The following CAMKMT variants were observed in gnomAD, a reference collection of about 807,000 sequenced individuals.
CAMKMT encodes CaM KMT.
In CAMKMT, 53 loss-of-function variants were observed where a neutral mutation model predicts 48.0. That is an observed-to-expected ratio of 1.10 (90% confidence interval 0.89 to 1.39). The LOEUF (loss-of-function observed/expected upper bound fraction) is 1.39. Ranked by LOEUF, CAMKMT falls within the 40% of genes most tolerant of loss-of-function variation. The pLI, the probability that CAMKMT is intolerant of heterozygous loss-of-function variation, is 0.00. For missense variants in CAMKMT, 428 were observed against 402.7 expected, an observed-to-expected ratio of 1.06 and a Z score of -0.54; for synonymous variants, 165 against 152.3, an observed-to-expected ratio of 1.08 and a Z score of -0.61.
intron 3 of CAMKMT, among the ~76,000 whole-genome samples, chr2:44,601,115 C>T (rs1336312189): frequency 6.6e-6 from 1 of 151,898 alleles, no homozygotes; most frequent in Non-Finnish European, 1.5e-5. Flanking sequence ...TAAAAAGTAC[C>T]AAAATATAGC....
intron 3 of CAMKMT, among the ~76,000 whole-genome samples, chr2:44,437,885 A>G (rs984713045): frequency 1.3e-5 from 2 of 151,608 alleles, no homozygotes; most frequent in Non-Finnish European, 2.9e-5. Context: ...GATTCAGAGA[A>G]CTACTACCTT....
At chr2:44,393,528 G>C (rs546286929) in intron 3 of CAMKMT, 1 of 152,256 alleles carries the variant, frequency 6.6e-6, no homozygotes, top group South Asian at 2.1e-4. Flanking sequence ...ACTAGGAATA[G>C]GTATGTATAT....
chr2:44,586,477 A>G (rs1322115918), intron 3 of CAMKMT, among the ~76,000 whole-genome samples: 1 of 152,124 alleles, frequency 6.6e-6, no homozygotes, highest in Non-Finnish European at 1.5e-5. Flanking sequence ...TTCTCTCACT[A>G]TAGATTCATT....
At chr2:44,702,339 A>T (rs994375120) in intron 3 of CAMKMT, among the ~76,000 whole-genome samples, 1 of 152,172 alleles carries the variant, frequency 6.6e-6, no homozygotes, top group Non-Finnish European at 1.5e-5. Context: ...GGTTATTGGG[A>T]TACGAATTTT....
Position 44,578,568 on chromosome 2 carries a change from A to C in CAMKMT, c.377-125715A>C, listed in dbSNP as rs535156249. ...TAAAACTGAGGATTCTTTCTTTCCT[A>C]ATCTGCCTGGAGCAAAGCTGTCTAG... On this transcript the variant is annotated intron_variant, in intron 3 of 10. Coordinates refer to ENST00000378494, the MANE Select transcript of CAMKMT (RefSeq NM_024766.5). 2.6e-5 allele frequency among the ~76,000 whole-genome samples: 4 copies of C among 152,256 alleles called. No individual in the cohort carries two copies. In the East Asian group the frequency reaches 7.7e-4, roughly 29 times the overall value.
chr2:44,748,011 G>T (rs959544506), intron 8 of CAMKMT, among the ~76,000 whole-genome samples: 1 of 152,108 alleles, frequency 6.6e-6, no homozygotes, highest in South Asian at 2.1e-4. Flanking sequence ...TTTTTTAATA[G>T]ATCCACTTAA....
intron 8 of CAMKMT, among the ~76,000 whole-genome samples, chr2:44,753,325 G>T (rs1425160531): frequency 6.6e-6 from 1 of 150,702 alleles, no homozygotes; most frequent in African/African-American, 2.4e-5. Context: ...TACTTGGGAG[G>T]CTGGGGTGGG....
At chr2:44,732,323 G>A (rs1176151470) in intron 7 of CAMKMT, among the ~76,000 whole-genome samples, 1 of 152,132 alleles carries the variant, frequency 6.6e-6, no homozygotes, top group African/African-American at 2.4e-5. Flanking sequence ...TTACAAAATT[G>A]TATTTTACTT....
chr2:44,633,400 G>A (rs954941792), intron 3 of CAMKMT, among the ~76,000 whole-genome samples: 1 of 152,050 alleles, frequency 6.6e-6, no homozygotes, highest in African/African-American at 2.4e-5. Flanking sequence ...CATCAATTAT[G>A]TATATGTTAG....
At chr2:44,412,014 A>G (rs1398952991) in intron 3 of CAMKMT, among the ~76,000 whole-genome samples, 3 of 113,810 alleles carry the variant, frequency 2.6e-5, no homozygotes, top group East Asian at 5.6e-4. Flanking sequence ...TTTTTTTAGC[A>G]GACAGTGTAG....
At chr2:44,744,045 C>T (rs998576303) in intron 8 of CAMKMT, among the ~76,000 whole-genome samples, 1 of 152,120 alleles carries the variant, frequency 6.6e-6, no homozygotes, top group Admixed American at 6.5e-5. Context: ...TTTATCAACA[C>T]AAACAGCTCA....
chr2:44,704,414 GA>G, intron 4 of CAMKMT, 71 bp downstream of exon 4: 1 of 985,410 alleles, frequency 1.0e-6, no homozygotes, highest in Non-Finnish European at 1.5e-6. Flanking sequence ...AAATTGCCAT[GA>G]TTATATTCTT....
intron 3 of CAMKMT, among the ~76,000 whole-genome samples, chr2:44,665,269 C>T (rs1489665375): frequency 1.3e-5 from 2 of 152,070 alleles, no homozygotes; most frequent in African/African-American, 2.4e-5. Context: ...CGGGGTTTCA[C>T]CATGTTGGCC....
intron 3 of CAMKMT, among the ~76,000 whole-genome samples, chr2:44,688,102 T>C (rs1353826067): frequency 6.6e-6 from 1 of 152,196 alleles, no homozygotes; most frequent in Non-Finnish European, 1.5e-5. Flanking sequence ...ATGAAGGCTA[T>C]AATCACAAAA....
intron 7 of CAMKMT, among the ~76,000 whole-genome samples, chr2:44,724,596 C>T (rs112056758): frequency 1.3e-5 from 2 of 152,226 alleles, no homozygotes; most frequent in African/African-American, 4.8e-5. Flanking sequence ...AAACTGAAAG[C>T]GTGAGAGTGA....
At position 44,412,016 on chromosome 2, in the gene CAMKMT, A is replaced by G. The variant is rs578068888; in HGVS notation, c.376+21711A>G. Among the ~76,000 whole-genome samples, 4 of 126,400 alleles carry G rather than the reference A, an allele frequency of 3.2e-5. No individual in the cohort carries two copies. The East Asian group carries it at 9.3e-4, about 30-fold the overall frequency. 82.9% of individuals were successfully genotyped at this position (126,400 alleles called of 152,430 possible). A position where few individuals can be genotyped will look rare whatever the true frequency, so the allele number is the denominator to read the frequency against. ...TTTTTTTTTTTTTTTTTTTTAGCAG[A>G]CAGTGTAGATTTGCACTGAATCCTC... On this transcript the variant is annotated intron_variant, in intron 3 of 10. Coordinates refer to ENST00000378494, the MANE Select transcript of CAMKMT (RefSeq NM_024766.5).
intron 3 of CAMKMT, among the ~76,000 whole-genome samples, chr2:44,527,642 T>C (rs913324607): frequency 5.9e-5 from 9 of 151,826 alleles, no homozygotes; most frequent in African/African-American, 2.2e-4. Flanking sequence ...TGTTCTGATT[T>C]TGTGCAACAT....
At chr2:44,682,157 TA>T (rs1676055623) in intron 3 of CAMKMT, among the ~76,000 whole-genome samples, 1 of 152,258 alleles carries the variant, frequency 6.6e-6, no homozygotes, top group Admixed American at 6.5e-5. Context: ...AACTGTAATG[TA>T]TTTGAAAATA....
At position 44,719,022 on chromosome 2, in the gene CAMKMT, A is replaced by G. The variant is rs149246912; in HGVS notation, c.623+3669A>G. Among the ~76,000 whole-genome samples, 135 of 152,230 alleles carry G rather than the reference A, an allele frequency of 8.9e-4. 1 individual carries two copies. Among genetic ancestry groups the G allele is most frequent in the African/African-American group, 3.2e-3 (132 of 41,546 alleles). ...ATGGGGATGTGGAAAATGATTTTTG[A>G]AAGGTACGTTCCAACCAAGTAGAAT... On this transcript the variant is annotated intron_variant, in intron 7 of 10. Coordinates refer to ENST00000378494, the MANE Select transcript of CAMKMT (RefSeq NM_024766.5).
Sources: allele counts gnomAD v4.1 joint callset (sites outside exome capture counted in the v4.1 genomes callset), GRCh38; gene constraint gnomAD v4.1.1; transcripts MANE v1.5; gene names NCBI Gene and HGNC (gene_info 2026-07-23, HGNC 2026-07-21).